BAHD1: variants seen among roughly 807,000 people sequenced by gnomAD.
BAHD1 encodes the protein bromo adjacent homology domain-containing 1 protein.
In BAHD1, 20 loss-of-function variants were observed where a neutral mutation model predicts 63.1. The ratio of observed to expected loss-of-function variants is 0.32; its 90% CI spans 0.22 to 0.46. The LOEUF (loss-of-function observed/expected upper bound fraction) is 0.46, where lower values mean the gene tolerates loss of function less well. Ranked by LOEUF, BAHD1 falls within the 20% of genes least tolerant of loss-of-function variation. The pLI is 1.00. For synonymous variants in BAHD1, 408 were observed against 426.8 expected, an observed-to-expected ratio of 0.96 and a Z score of 0.54; for missense variants, 939 against 1,071.8, an observed-to-expected ratio of 0.88 and a Z score of 1.73.
chr15:40,438,633 C>T (rs1173837736), upstream of BAHD1, among the ~76,000 whole-genome samples: 2 of 152,136 alleles, frequency 1.3e-5, no homozygotes, highest in African/African-American at 4.8e-5. Flanking sequence ...CTTTCCCTCC[C>T]ACTGAGACCC....
intron 1 of BAHD1, among the ~76,000 whole-genome samples, chr15:40,449,675 G>A (rs1235148176): frequency 1.3e-5 from 2 of 152,020 alleles, no homozygotes; most frequent in Non-Finnish European, 2.9e-5. Context: ...CAGGCATGGT[G>A]GTGTAGGCCT....
intron 2 of BAHD1, among the ~76,000 whole-genome samples, chr15:40,460,704 A>G (rs1409180241): frequency 6.6e-6 from 1 of 152,100 alleles, no homozygotes; most frequent in Non-Finnish European, 1.5e-5. Flanking sequence ...CTGGGTGGAA[A>G]TGAGACATGC....
intron 2 of BAHD1, 53 bp downstream of exon 2, chr15:40,459,949 C>A: frequency 2.0e-6 from 3 of 1,514,182 alleles, no homozygotes; most frequent in Non-Finnish European, 2.6e-6. Flanking sequence ...ACATGGCATC[C>A]CAGGAGGTTG....
chr15:40,444,937 C>A (rs1258758566), intron 1 of BAHD1, among the ~76,000 whole-genome samples: 1 of 152,012 alleles, frequency 6.6e-6, no homozygotes, highest in African/African-American at 2.4e-5. Context: ...GTTGCCATGG[C>A]AATGCAGACC....
chr15:40,463,862 A>G lies in BAHD1; in HGVS notation c.1817A>G (p.Asp606Gly). The change falls in exon 4 of 7, where the codon GAT (aspartate) becomes GGT (glycine). Residue 606 changes from aspartate to glycine, a missense_variant and splice_region_variant. Asp to Gly is a moderately conservative substitution (Grantham distance 94). Transcript: ENST00000416165. The part of the protein sequence containing the change: ...AACEKAVYVL[D>G]EPEPAIRKSY... ...TTGTGTCATTGGTTTGTTGCCTAGG[A>G]TGAGCCGGAGCCAGCCATCCGAAAG... is the stretch of plus-strand genomic sequence containing the variant. 1 of 1,614,126 alleles carries G rather than the reference A, an allele frequency of 6.2e-7. No individual in the cohort carries two copies.
At chr15:40,456,585 T>C (rs1893857265) in intron 1 of BAHD1, among the ~76,000 whole-genome samples, 1 of 152,176 alleles carries the variant, frequency 6.6e-6, no homozygotes, top group Non-Finnish European at 1.5e-5. Flanking sequence ...GCACTCTTTC[T>C]CAATTAATGC....
intron 4 of BAHD1, 122 bp from the exon 5 acceptor site, chr15:40,464,349 G>T: frequency 1.2e-6 from 1 of 828,506 alleles, no homozygotes. Context: ...CAGGGGACAT[G>T]GGTTGCCGGA....
chr15:40,450,151 A>G (rs988682604), intron 1 of BAHD1, among the ~76,000 whole-genome samples: 3 of 152,180 alleles, frequency 2.0e-5, no homozygotes, highest in African/African-American at 4.8e-5. Flanking sequence ...CTGGCATCCT[A>G]TTGGAGGTGG....
chr15:40,456,557 C>G (rs1395543320), intron 1 of BAHD1, among the ~76,000 whole-genome samples: 1 of 152,218 alleles, frequency 6.6e-6, no homozygotes, highest in Non-Finnish European at 1.5e-5. Context: ...CCACACCACC[C>G]TCAGCCTGGT....
intron 1 of BAHD1, among the ~76,000 whole-genome samples, chr15:40,450,792 G>C (rs1316689435): frequency 6.6e-6 from 1 of 152,176 alleles, no homozygotes; most frequent in Non-Finnish European, 1.5e-5. Flanking sequence ...ATCCTACATG[G>C]AGCTAATAGG....
Position 40,459,795 on chromosome 15 carries a change from C to G in BAHD1, c.1331C>G (p.Thr444Ser). ...TCTCGCTACTGCTCTAGCGAGGACA[C>G]TGGAGTGAATGGCTACAGCATCTGC... ...GSSRYCSSEDTGVNGYSICGV... is the reference protein window; with the variant it reads ...GSSRYCSSEDSGVNGYSICGV... The change falls in exon 2 of 7, where the codon ACT becomes AGT. Residue 444 changes from threonine to serine, a missense_variant. Around this residue, in one of 5 missense-constraint regions of BAHD1, gnomAD observed 797 missense variants for 813.3 expected, o/e 0.98. Transcript: ENST00000416165. 2 of 1,613,776 alleles carry G rather than the reference C, an allele frequency of 1.2e-6. No individual in the cohort carries two copies. The highest frequency in any genetic ancestry group is 1.7e-6 in the Non-Finnish European group (2 of 1,180,006).
rs763306177 is a variant in BAHD1 at position 40,466,135 on chromosome 15, C to T, written c.*5C>T. Reference sequence around the variant, plus strand: ...ATCCTTAAGAACCCCCAGTAGCCTCCTCATGCCCATGCTGGGGCTACCCAT... The same window carrying T: ...ATCCTTAAGAACCCCCAGTAGCCTCTTCATGCCCATGCTGGGGCTACCCAT... On this transcript the variant is annotated 3_prime_UTR_variant, in exon 7 of 7. Coordinates refer to ENST00000416165, the MANE Select transcript of BAHD1 (RefSeq NM_014952.5). 1 of 1,610,914 alleles carries T rather than the reference C, an allele frequency of 6.2e-7. No homozygotes were observed. Among genetic ancestry groups the T allele is most frequent in the Non-Finnish European group, 8.5e-7 (1 of 1,178,152 alleles).
intron 6 of BAHD1, 94 bp downstream of exon 6, chr15:40,465,529 C>G: frequency 1.1e-6 from 1 of 948,744 alleles, no homozygotes; most frequent in Admixed American, 1.9e-5. Flanking sequence ...GGATCTCATT[C>G]TGCTCTCTAC....
At chr15:40,438,968 A>G (rs1236178918), upstream of BAHD1, among the ~76,000 whole-genome samples, 8 of 152,158 alleles carry the variant, frequency 5.3e-5, no homozygotes, top group African/African-American at 1.4e-4. Context: ...CCAATCTCTG[A>G]CGAGTGGGGG....
At position 40,459,881 on chromosome 15, in the gene BAHD1, A is replaced by G. The variant is rs779244674; in HGVS notation, c.1417A>G (p.Met473Val). The G allele has an allele frequency of 1.3e-6, 2 of 1,588,018 alleles. No homozygotes were observed. The highest frequency in any genetic ancestry group is 1.7e-6 in the Non-Finnish European group (2 of 1,165,150). The change falls in exon 2 of 7, where the codon ATG (methionine) becomes GTG (valine). Residue 473 changes from methionine (M) to valine (V), a missense_variant. Met to Val is a conservative substitution (Grantham distance 21). Transcript: ENST00000416165. ...TACCTGTGGCGGCTGCCCATACAAA[A>G]TGCCTTTTGCAGCAGGTGAGGCTTC... ...GTTCGGCPYK[M>V]PFAAEGCRSL...
chr15:40,448,635 C>T (rs1433521380), intron 1 of BAHD1, among the ~76,000 whole-genome samples: 1 of 152,138 alleles, frequency 6.6e-6, no homozygotes, highest in Non-Finnish European at 1.5e-5. Flanking sequence ...CTACCGGGCT[C>T]AAGTGATCCT....
chr15:40,465,507 A>C, intron 6 of BAHD1, 72 bp downstream of exon 6: 1 of 1,193,112 alleles, frequency 8.4e-7, no homozygotes, highest in South Asian at 1.2e-5. Context: ...GGCTGCTTGG[A>C]ATTCCCCGAG....
chr15:40,444,713 T>G (rs1406452498), intron 1 of BAHD1, among the ~76,000 whole-genome samples: 1 of 152,150 alleles, frequency 6.6e-6, no homozygotes, highest in East Asian at 1.9e-4. Flanking sequence ...AAAGGAAAGC[T>G]ACAATCCCTG....
chr15:40,460,515 A>G (rs992228014), intron 2 of BAHD1, among the ~76,000 whole-genome samples: 1 of 152,186 alleles, frequency 6.6e-6, no homozygotes, highest in Non-Finnish European at 1.5e-5. Context: ...AGACAAGCAG[A>G]GTTCCCTGAC....
Sources: allele counts gnomAD v4.1 joint callset (sites outside exome capture counted in the v4.1 genomes callset), GRCh38; gene constraint gnomAD v4.1.1; regional missense constraint gnomAD v4.1.1; transcripts MANE v1.5; gene names NCBI Gene and HGNC (gene_info 2026-07-23, HGNC 2026-07-21).